FAM193A: variants seen among roughly 807,000 people sequenced by gnomAD.
The protein encoded by FAM193A is family with sequence similarity 193 member A.
In FAM193A, 22 loss-of-function variants were observed where a neutral mutation model predicts 126.5. The observed-to-expected ratio is 0.17, with a 90% CI of 0.12 to 0.25. The LOEUF is 0.25. Among genes scored for constraint, FAM193A ranks in the 10% least tolerant of loss-of-function variants. The pLI is 1.00. For missense variants in FAM193A, 1,675 were observed against 1,672.8 expected, an observed-to-expected ratio of 1.00 and a Z score of -0.02; for synonymous variants, 761 against 646.8, an observed-to-expected ratio of 1.18 and a Z score of -2.68.
intron 1 of FAM193A, among the ~76,000 whole-genome samples, chr4:2,551,302 A>T (rs1237980045): frequency 1.3e-5 from 2 of 152,214 alleles, no homozygotes; most frequent in African/African-American, 4.8e-5. Context: ...TATTTGCATT[A>T]TGCTGATTTA....
intron 5 of FAM193A, among the ~76,000 whole-genome samples, chr4:2,635,039 A>T (rs139032198): frequency 6.6e-6 from 1 of 152,314 alleles, no homozygotes; most frequent in African/African-American, 2.4e-5. Context: ...GTCTTAGAAT[A>T]TTCCAATAAG....
At chr4:2,667,800 ATTCT>A (rs996640106) in intron 12 of FAM193A, among the ~76,000 whole-genome samples, 11 of 152,016 alleles carry the variant, frequency 7.2e-5, no homozygotes, top group Non-Finnish European at 1.6e-4. Context: ...TCTTCTGTTG[ATTCT>A]TTTTTTAATT....
At chr4:2,707,666 G>T (rs757804035) in intron 19 of FAM193A, among the ~76,000 whole-genome samples, 26 of 150,878 alleles carry the variant, frequency 1.7e-4, no homozygotes, top group Admixed American at 8.6e-4. Flanking sequence ...GCTGTTAGAA[G>T]AATCTTTTGT....
chr4:2,566,942 C>CT (rs71644339), intron 1 of FAM193A, among the ~76,000 whole-genome samples: 31,012 of 138,816 alleles, frequency 0.22, 3,576 homozygotes, highest in East Asian at 0.35. Context: ...ATTTCTTTTT[C>CT]TTTTTTTTTT....
intron 5 of FAM193A, among the ~76,000 whole-genome samples, chr4:2,634,200 C>T (rs1410388981): frequency 1.3e-5 from 2 of 152,152 alleles, no homozygotes; most frequent in African/African-American, 4.8e-5. Flanking sequence ...GCAGGGAGTA[C>T]AGCTTCCCAG....
chr4:2,711,327 T>G (rs192360299), intron 19 of FAM193A, among the ~76,000 whole-genome samples: 105 of 151,922 alleles, frequency 6.9e-4, no homozygotes, highest in African/African-American at 2.5e-3. Context: ...ATTTTTCCTT[T>G]TTTGTTTGTT....
At chr4:2,630,408 ACTT>A (rs1560498310) in intron 4 of FAM193A, among the ~76,000 whole-genome samples, 1 of 152,036 alleles carries the variant, frequency 6.6e-6, no homozygotes, top group Non-Finnish European at 1.5e-5. Flanking sequence ...TGTACACTGA[ACTT>A]CTAGAAAGAA....
rs1345419444 is a variant in FAM193A at position 2,657,810 on chromosome 4, T to C, written c.1319T>C (p.Met440Thr). The C allele has an allele frequency of 6.2e-7, 1 of 1,608,104 alleles. No individual in the cohort carries two copies. Among genetic ancestry groups the C allele is most frequent in the East Asian group, 2.2e-5 (1 of 44,778 alleles). The change falls in exon 8 of 21, where the codon ATG becomes ACG. Residue 440 changes from methionine (M) to threonine (T), a missense_variant. Met to Thr is a moderately conservative substitution (Grantham distance 81). Coordinates refer to ENST00000637812, the MANE Select transcript of FAM193A (RefSeq NM_001366318.2). The stretch of plus-strand genomic sequence containing the variant: ...TTTACATCCCCTTACTAGATGACAA[T>C]GAAAACCAAGCAGCGCATGTTAACA... ...IDAYVDEQMT[M>T]KTKQRMLTED...
intron 2 of FAM193A, among the ~76,000 whole-genome samples, chr4:2,611,374 T>A (rs34680443): frequency 1.3e-5 from 2 of 152,050 alleles, no homozygotes; most frequent in Non-Finnish European, 2.9e-5. Flanking sequence ...GTTCAAGCAG[T>A]TCTCTTGTCT....
rs11543194 is a variant in FAM193A, at chr4:2,732,221, G to C, written c.*353G>C. 12,619 of 296,950 alleles carry C rather than the reference G, an allele frequency of 0.042. 312 individuals carry two copies. The highest frequency in any genetic ancestry group is 0.086 in the East Asian group (1,000 of 11,614). 18.4% of individuals were successfully genotyped at this position (296,950 alleles called of 1,614,324 possible). A position where few individuals can be genotyped will look rare whatever the true frequency, so the allele number is the denominator to read the frequency against. On this transcript the variant is annotated 3_prime_UTR_variant, in exon 21 of 21. Coordinates refer to ENST00000637812, the MANE Select transcript of FAM193A (RefSeq NM_001366318.2). ...TCTGCATTGCGCCCTGTCCTGTCAT[G>C]TGTCCTCACCGGGGTATCGGCCGTC...
At chr4:2,582,110 T>G (rs1739977716) in intron 1 of FAM193A, among the ~76,000 whole-genome samples, 1 of 152,148 alleles carries the variant, frequency 6.6e-6, no homozygotes, top group Non-Finnish European at 1.5e-5. Flanking sequence ...CCATGTGTAA[T>G]GTTTCTTTTA....
intron 1 of FAM193A, among the ~76,000 whole-genome samples, chr4:2,543,595 G>A (rs988158069): frequency 8.6e-5 from 13 of 151,800 alleles, no homozygotes; most frequent in East Asian, 1.9e-4. Context: ...AGTGGCTCAC[G>A]CCTGTAATCT....
chr4:2,596,476 T>A (rs1032737757), intron 2 of FAM193A, 147 bp downstream of exon 2: 90 of 606,040 alleles, frequency 1.5e-4, no homozygotes, highest in Middle Eastern at 1.3e-3. Flanking sequence ...TCCTGGTACG[T>A]TCCTCCTGGT....
chr4:2,593,867 CT>C lies in FAM193A; in HGVS notation c.256-2204del, dbSNP rs370535103. The stretch of plus-strand genomic sequence containing the variant: ...TTTATATTGGGGTAAATCAGTGTGC[CT>C]TTTTTTTTTTTTAATTGTCGTCATT... On this transcript the variant is annotated intron_variant, in intron 1 of 20. Transcript: ENST00000637812. 7.2e-3 allele frequency among the ~76,000 whole-genome samples: 1,010 copies of C among 139,852 alleles called. 1 individual carries two copies. The highest frequency in any genetic ancestry group is 8.1e-3 in the African/African-American group (308 of 38,138). The allele number at this position is 139,852 out of a possible 152,430, so 91.7% of individuals were successfully genotyped here.
At chr4:2,585,292 A>T (rs745493783) in intron 1 of FAM193A, among the ~76,000 whole-genome samples, 1 of 152,228 alleles carries the variant, frequency 6.6e-6, no homozygotes, top group African/African-American at 2.4e-5. Flanking sequence ...CACAGTCTTC[A>T]TGTAATGCCT....
chr4:2,692,241 A>G (rs1184875101), intron 15 of FAM193A, among the ~76,000 whole-genome samples: 2 of 152,160 alleles, frequency 1.3e-5, no homozygotes, highest in Admixed American at 6.5e-5. Context: ...TTCACGGGGG[A>G]GAGAACGAGT....
At chr4:2,646,910 T>C in intron 7 of FAM193A, 78 bp downstream of exon 7, 1 of 1,451,908 alleles carries the variant, frequency 6.9e-7, no homozygotes. Context: ...AGTCACTAGC[T>C]TTGTCCTGAG....
chr4:2,698,624 AT>A (rs1553912327), intron 18 of FAM193A, among the ~76,000 whole-genome samples: 3 of 152,106 alleles, frequency 2.0e-5, no homozygotes, highest in Admixed American at 6.5e-5. Context: ...GTACTTTTCT[AT>A]TTCTCTAGGA....
At chr4:2,551,629 C>T (rs1329592669) in intron 1 of FAM193A, among the ~76,000 whole-genome samples, 1 of 152,072 alleles carries the variant, frequency 6.6e-6, no homozygotes, top group Admixed American at 6.6e-5. Context: ...GATGTCTGCC[C>T]TTTCATTCCT....
Sources: allele counts gnomAD v4.1 joint callset (sites outside exome capture counted in the v4.1 genomes callset), GRCh38; gene constraint gnomAD v4.1.1; transcripts MANE v1.5; gene names NCBI Gene and HGNC (gene_info 2026-07-23, HGNC 2026-07-21).